Variants in TRDN observed in about 807,000 individuals in gnomAD.
The protein encoded by TRDN is triadin in skeletal muscle.
TRDN carries 161 observed loss-of-function variants against 149.7 expected under a neutral mutation model. The ratio of observed to expected loss-of-function variants is 1.08; its 90% CI spans 0.95 to 1.23. The LOEUF is 1.23. Among genes scored for constraint, TRDN ranks in the 50% most tolerant of loss-of-function variants. The pLI, the probability that TRDN is intolerant of heterozygous loss-of-function variation, is 0.00. For missense variants in TRDN, 896 were observed against 823.5 expected (o/e 1.09, Z -1.08); for synonymous variants, 294 against 250.5 (o/e 1.17, Z -1.64).
At chr6:123,479,660 A>G (rs908435166) in intron 9 of TRDN, among the ~76,000 whole-genome samples, 1 of 152,172 alleles carries the variant, frequency 6.6e-6, no homozygotes, top group Non-Finnish European at 1.5e-5. Context: ...GCTCTTATAC[A>G]ACAGTATCCT....
At chr6:123,257,683 T>A (rs1403792699) in intron 35 of TRDN, among the ~76,000 whole-genome samples, 1 of 149,344 alleles carries the variant, frequency 6.7e-6, no homozygotes, top group South Asian at 2.1e-4. Flanking sequence ...TGTGAATTAG[T>A]AGCTTTATGG....
chr6:123,248,891 CA>C (rs1443452515), intron 38 of TRDN, among the ~76,000 whole-genome samples: 1 of 152,024 alleles, frequency 6.6e-6, no homozygotes, highest in African/African-American at 2.4e-5. Context: ...ACCCTGATAC[CA>C]AAACCAGACA....
chr6:123,247,741 A>G (rs112158773), intron 38 of TRDN, among the ~76,000 whole-genome samples: 7,112 of 152,306 alleles, frequency 0.047, 197 homozygotes, highest in Non-Finnish European at 0.066. Context: ...CAGAATTAGA[A>G]AAACTACTTT....
At chr6:123,353,151 T>C (rs1780530438) in intron 20 of TRDN, among the ~76,000 whole-genome samples, 1 of 151,804 alleles carries the variant, frequency 6.6e-6, no homozygotes, top group Non-Finnish European at 1.5e-5. Flanking sequence ...TAGTTGACAG[T>C]CCAAAAGTAG....
At chr6:123,366,020 G>T in intron 20 of TRDN, 115 bp downstream of exon 20, 5 of 857,660 alleles carry the variant, frequency 5.8e-6, no homozygotes, top group Middle Eastern at 5.7e-4. Context: ...CTATATCAAC[G>T]AACTAGTAAA....
intron 25 of TRDN, among the ~76,000 whole-genome samples, chr6:123,278,740 G>T (rs1428935871): frequency 2.6e-5 from 4 of 152,152 alleles, no homozygotes; most frequent in African/African-American, 9.7e-5. Flanking sequence ...ACTGCCCACT[G>T]CCTGGGCAAC....
At chr6:123,317,070 G>A (rs923932150) in intron 23 of TRDN, among the ~76,000 whole-genome samples, 2 of 151,662 alleles carry the variant, frequency 1.3e-5, no homozygotes, top group African/African-American at 4.8e-5. Context: ...CTAGGACAAT[G>A]TCTTTTGTCC....
At chr6:123,350,722 T>C in intron 21 of TRDN, 1 of 866,896 alleles carries the variant, frequency 1.2e-6, no homozygotes, top group Non-Finnish European at 1.4e-6. Context: ...ATTGTTATGA[T>C]TGAAAAATAT....
Position 123,291,480 on chromosome 6 carries a change from G to C in TRDN, c.1511-12398C>G, listed in dbSNP as rs148850546. ...ATCAGGAGGCTGAGGCAGGAGAATG[G>C]CATGAACCCGGGAGGCAGAGCTTGC... On this transcript the variant is annotated intron_variant, in intron 24 of 40. Transcript: ENST00000334268. Among the ~76,000 whole-genome samples, 1,441 of 151,940 alleles carry C rather than the reference G, an allele frequency of 9.5e-3. 11 individuals are homozygous for C. Among genetic ancestry groups the C allele is most frequent in the Non-Finnish European group, 0.014 (984 of 67,964 alleles).
chr6:123,223,657 G>A (rs2114503692), intron 39 of TRDN, among the ~76,000 whole-genome samples: 1 of 146,434 alleles, frequency 6.8e-6, no homozygotes, highest in African/African-American at 2.5e-5. Context: ...CAGGGGTTGA[G>A]TCCAGCCTTC....
intron 4 of TRDN, among the ~76,000 whole-genome samples, chr6:123,541,923 A>G (rs955500011): frequency 6.6e-6 from 1 of 152,204 alleles, no homozygotes; most frequent in Non-Finnish European, 1.5e-5. Context: ...ATGACATGAT[A>G]CAACCTTCTG....
intron 19 of TRDN, among the ~76,000 whole-genome samples, chr6:123,374,728 T>C (rs559034744): frequency 1.0e-3 from 159 of 151,834 alleles, no homozygotes; most frequent in Non-Finnish European, 2.1e-3. Context: ...TGAGCCAAGA[T>C]CACGCCGCTG....
intron 7 of TRDN, chr6:123,510,215 T>C (rs1231148025): frequency 1.3e-5 from 2 of 152,140 alleles, no homozygotes; most frequent in African/African-American, 2.4e-5. Context: ...AATTCATCCA[T>C]ATTAACTTTA....
intron 28 of TRDN, 114 bp from the exon 29 acceptor site, chr6:123,273,125 C>G (rs546402078): frequency 2.6e-6 from 2 of 756,770 alleles, no homozygotes; most frequent in Admixed American, 7.6e-5. Flanking sequence ...TTCATATCAT[C>G]CTTGTTTCTA....
rs79352783 is a variant in TRDN at position 123,339,379 on chromosome 6, A to T, written c.1370-1710T>A. 9.6e-3 allele frequency among the ~76,000 whole-genome samples: 1,460 copies of T among 152,214 alleles called. 10 individuals carry two copies. The highest frequency in any genetic ancestry group is 0.015 in the Non-Finnish European group (999 of 68,000). On this transcript the variant is annotated intron_variant, in intron 21 of 40. Coordinates refer to ENST00000334268, the MANE Select transcript of TRDN (RefSeq NM_006073.4). Reference sequence around the variant, plus strand: ...TTCTTAGAGTTCTTACTTGGCTTACAGTAGGATAATTTTCCCTCACCTGAG... The same window carrying T: ...TTCTTAGAGTTCTTACTTGGCTTACTGTAGGATAATTTTCCCTCACCTGAG...
chr6:123,522,552 TCATC>T (rs1779741743), intron 5 of TRDN, among the ~76,000 whole-genome samples: 1 of 110,830 alleles, frequency 9.0e-6, no homozygotes, highest in African/African-American at 3.2e-5. Flanking sequence ...ATTTTCCAAA[TCATC>T]CATATTTATC....
intron 21 of TRDN, 180 bp downstream of exon 21, chr6:123,352,359 A>G (rs911881512): frequency 4.1e-6 from 4 of 985,068 alleles, no homozygotes; most frequent in African/African-American, 1.7e-5. Context: ...TACACAAAAG[A>G]AAGACCAACC....
intron 13 of TRDN, among the ~76,000 whole-genome samples, chr6:123,389,182 A>T (rs1782016111): frequency 6.6e-6 from 1 of 152,138 alleles, no homozygotes; most frequent in Non-Finnish European, 1.5e-5. Context: ...ATCTGGATCC[A>T]CGTTGTTGCT....
chr6:123,411,375 A>G (rs1773436424), intron 12 of TRDN, among the ~76,000 whole-genome samples: 1 of 152,134 alleles, frequency 6.6e-6, no homozygotes, highest in East Asian at 1.9e-4. Context: ...AAGATTGATT[A>G]TGGCAAATAA....
Sources: gnomAD v4.1 joint callset for allele counts (sites outside exome capture counted in the v4.1 genomes callset) on GRCh38, gnomAD v4.1.1 for gene constraint, MANE v1.5 for transcripts, NCBI Gene and HGNC (gene_info 2026-07-23, HGNC 2026-07-21) for gene names.